Variants in GARRE1 observed in about 807,000 individuals in gnomAD.
GARRE1 encodes granule associated Rac and RHOG effector protein 1.
In GARRE1, 49 loss-of-function variants were observed where a neutral mutation model predicts 103.2. The observed-to-expected ratio is 0.47, with a 90% CI of 0.38 to 0.60. The LOEUF (loss-of-function observed/expected upper bound fraction) is 0.60, where lower values mean the gene tolerates loss of function less well. Ranked by LOEUF, GARRE1 falls within the 20% of genes least tolerant of loss-of-function variation. The pLI is 0.00. For synonymous variants in GARRE1, 505 were observed against 532.8 expected, an observed-to-expected ratio of 0.95 and a Z score of 0.72; for missense variants, 1,199 against 1,370.5, an observed-to-expected ratio of 0.87 and a Z score of 1.98.
chr19:34,300,960 G>A lies in GARRE1; in HGVS notation c.487G>A (p.Asp163Asn). The A allele has an allele frequency of 6.3e-7, 1 of 1,598,256 alleles. No homozygotes were observed. Among genetic ancestry groups the A allele is most frequent in the South Asian group, 1.1e-5 (1 of 90,946 alleles). The change falls in exon 2 of 14, where the codon GAC (aspartate) becomes AAC (asparagine). Residue 163 changes from aspartate to asparagine, a missense_variant. By Grantham distance (23) the Asp-to-Asn change is conservative (BLOSUM62 1). Transcript: ENST00000299505. The stretch of plus-strand genomic sequence containing the variant: ...GGATCAGAAGGAATTCAGTCTCCAG[G>A]ACATTGAGGTAGAGTATCTTTTGTG... ...FTDQKEFSLQ[D>N]IEVLGRCFLT...
chr19:34,296,839 T>C (rs1180069392), intron 1 of GARRE1, among the ~76,000 whole-genome samples: 1 of 152,150 alleles, frequency 6.6e-6, no homozygotes, highest in African/African-American at 2.4e-5. Context: ...GGACAGAGTC[T>C]TGCAGTGTTG....
Position 34,346,480 on chromosome 19 carries a change from G to A in GARRE1, c.2522-1397G>A, listed in dbSNP as rs112705442. Among the ~76,000 whole-genome samples, 1,502 of 152,130 alleles carry A rather than the reference G, an allele frequency of 9.9e-3. 18 individuals carry two copies. Among genetic ancestry groups the A allele is most frequent in the Non-Finnish European group, 0.015 (1,049 of 67,996 alleles). ...CTAGATCAAACTTTAGCTTAAGTGG[G>A]ATCAGCATATAACCTCTATCTGGCT... On this transcript the variant is annotated intron_variant, in intron 10 of 13. Transcript: ENST00000299505.
chr19:34,290,965 G>A lies in GARRE1; in HGVS notation c.-795-8714G>A, dbSNP rs541515025. ...TCTGTCACCCAGGCTGGAGTGTAGT[G>A]GTGTGATCTTGGTTCACTGCAACCT... is the stretch of plus-strand genomic sequence containing the variant. On this transcript the variant is annotated intron_variant, in intron 1 of 13. Coordinates refer to ENST00000299505, the MANE Select transcript of GARRE1 (RefSeq NM_014686.5). Among the ~76,000 whole-genome samples, 8 of 120,440 alleles carry A rather than the reference G, an allele frequency of 6.6e-5. No homozygotes were observed. The East Asian group carries it at 2.2e-3, about 34-fold the overall frequency. The allele number at this position is 120,440 out of a possible 152,430, so 79.0% of individuals were successfully genotyped here.
At chr19:34,275,477 A>T (rs1201689666) in intron 1 of GARRE1, among the ~76,000 whole-genome samples, 1 of 151,940 alleles carries the variant, frequency 6.6e-6, no homozygotes, top group Admixed American at 6.6e-5. Context: ...TAATTGGTAC[A>T]GTTCATATTA....
intron 12 of GARRE1, 24 bp downstream of exon 12, chr19:34,349,177 G>T: frequency 6.2e-7 from 1 of 1,609,620 alleles, no homozygotes. Context: ...TCTAAACCAA[G>T]GTGGGGAGAG....
intron 11 of GARRE1, 56 bp from the exon 12 acceptor site, chr19:34,348,960 T>A: frequency 6.3e-7 from 1 of 1,595,590 alleles, no homozygotes; most frequent in East Asian, 2.2e-5. Flanking sequence ...CAGGGTGGGG[T>A]GGCGGGTGGT....
chr19:34,302,675 C>T (rs901292685), intron 2 of GARRE1, among the ~76,000 whole-genome samples: 5 of 150,606 alleles, frequency 3.3e-5, no homozygotes, highest in Non-Finnish European at 5.9e-5. Context: ...TCTAAATTCA[C>T]AGTTGCTAAT....
intron 2 of GARRE1, among the ~76,000 whole-genome samples, chr19:34,315,348 A>G (rs1251379909): frequency 6.6e-6 from 1 of 152,218 alleles, no homozygotes; most frequent in African/African-American, 2.4e-5. Context: ...AACTGCAACT[A>G]AACTTTGAAA....
intron 9 of GARRE1, among the ~76,000 whole-genome samples, chr19:34,340,754 C>T (rs2074181929): frequency 6.6e-6 from 1 of 152,130 alleles, no homozygotes; most frequent in Non-Finnish European, 1.5e-5. Context: ...AACTCCTGAC[C>T]TCAAGTGCCT....
At chr19:34,299,102 C>T (rs1368557947) in intron 1 of GARRE1, among the ~76,000 whole-genome samples, 1 of 152,230 alleles carries the variant, frequency 6.6e-6, no homozygotes, top group Non-Finnish European at 1.5e-5. Flanking sequence ...AGCTTGGTAT[C>T]CGACTGTCCC....
chr19:34,267,783 T>G (rs1018140060), intron 1 of GARRE1, among the ~76,000 whole-genome samples: 2 of 151,202 alleles, frequency 1.3e-5, no homozygotes, highest in African/African-American at 4.8e-5. Flanking sequence ...TTTTTTTGTT[T>G]TTTTTTTTTT....
chr19:34,266,443 C>A (rs529865160), intron 1 of GARRE1, among the ~76,000 whole-genome samples: 25 of 152,274 alleles, frequency 1.6e-4, no homozygotes, highest in Non-Finnish European at 3.2e-4. Flanking sequence ...CTCACTGCAA[C>A]CTCTATCTCC....
rs1178370392 is a variant in GARRE1, at chr19:34,266,376, T to C, written c.-796+11762T>C. On this transcript the variant is annotated intron_variant, in intron 1 of 13. Coordinates refer to ENST00000299505, the MANE Select transcript of GARRE1 (RefSeq NM_014686.5). ...GTGACTCTGATTTTCTGTTGTTTTT[T>C]TTGAGACAGGAGTCTCGCTTTGTCA... is the stretch of plus-strand genomic sequence containing the variant. Among the ~76,000 whole-genome samples, 3 of 152,226 alleles carry C rather than the reference T, an allele frequency of 2.0e-5. No homozygotes were observed. In the East Asian group the frequency reaches 5.8e-4, roughly 29 times the overall value.
intron 2 of GARRE1, among the ~76,000 whole-genome samples, chr19:34,302,157 A>G (rs976003886): frequency 6.8e-6 from 1 of 147,302 alleles, no homozygotes; most frequent in Non-Finnish European, 1.5e-5. Context: ...TGCCCGGCTA[A>G]TTTTGTATTT....
chr19:34,345,914 T>G (rs529747967), intron 10 of GARRE1, among the ~76,000 whole-genome samples: 1 of 152,356 alleles, frequency 6.6e-6, no homozygotes, highest in South Asian at 2.1e-4. Flanking sequence ...CTACAAATCC[T>G]ACTCTTTCCC....
intron 1 of GARRE1, among the ~76,000 whole-genome samples, chr19:34,282,152 T>C (rs1286432335): frequency 6.6e-6 from 1 of 151,506 alleles, no homozygotes; most frequent in Non-Finnish European, 1.5e-5. Flanking sequence ...TTGCTTTTGG[T>C]TTTTTTTTCT....
chr19:34,346,097 G>T (rs1043257511), intron 10 of GARRE1, among the ~76,000 whole-genome samples: 1 of 152,184 alleles, frequency 6.6e-6, no homozygotes, highest in Non-Finnish European at 1.5e-5. Context: ...ATCAGTGCGG[G>T]ATGGGGAACG....
intron 1 of GARRE1, among the ~76,000 whole-genome samples, chr19:34,276,438 A>G (rs1807434579): frequency 6.6e-6 from 1 of 152,198 alleles, no homozygotes; most frequent in Non-Finnish European, 1.5e-5. Context: ...TGTAGAAATG[A>G]GGGAAAAAGA....
At chr19:34,314,644 C>G (rs2074052115) in intron 2 of GARRE1, among the ~76,000 whole-genome samples, 1 of 152,188 alleles carries the variant, frequency 6.6e-6, no homozygotes, top group African/African-American at 2.4e-5. Flanking sequence ...GTTGGTTCTG[C>G]CACCCTTGGG....
Sources: allele counts gnomAD v4.1 joint callset (sites outside exome capture counted in the v4.1 genomes callset), GRCh38; gene constraint gnomAD v4.1.1; transcripts MANE v1.5; gene names NCBI Gene and HGNC (gene_info 2026-07-23, HGNC 2026-07-21).